Variants in SGPP2 observed in about 807,000 individuals in gnomAD.
SGPP2 encodes the protein sphingosine 1-phosphate phosphohydrolase 2.
In SGPP2, 30 loss-of-function variants were observed where a neutral mutation model predicts 33.9. The ratio of observed to expected loss-of-function variants is 0.89; its 90% confidence interval spans 0.66 to 1.20. The LOEUF (loss-of-function observed/expected upper bound fraction) is 1.20, where lower values mean the gene tolerates loss of function less well. Among genes scored for constraint, SGPP2 ranks in the 50% most tolerant of loss-of-function variants. The probability of loss-of-function intolerance (pLI) is 0.00; values close to 1 mark genes in which losing one functional copy is unlikely to be tolerated. For synonymous variants in SGPP2, 233 were observed against 225.0 expected, an observed-to-expected ratio of 1.04 and a Z score of -0.32; for missense variants, 458 against 532.1, an observed-to-expected ratio of 0.86 and a Z score of 1.37.
At position 222,561,202 on chromosome 2, in the gene SGPP2, C is replaced by G. The variant is rs193302526; in HGVS notation, c.*2304C>G. ...GAAGGCAAAGATCAAGATGACCTGC[C>G]GTTTGACTGCTTTTACATCAAACTC... On this transcript the variant is annotated 3_prime_UTR_variant, in exon 5 of 5. Transcript: ENST00000321276. Among the ~76,000 whole-genome samples, 1 of 152,214 alleles carries G rather than the reference C, an allele frequency of 6.6e-6. No homozygotes were observed. Among genetic ancestry groups the G allele is most frequent in the East Asian group, 1.9e-4 (1 of 5,188 alleles).
chr2:222,452,747 C>A, intron 1 of SGPP2: 5 of 1,444,026 alleles, frequency 3.5e-6, no homozygotes, highest in Non-Finnish European at 4.9e-6. Context: ...CAGTCGTGTT[C>A]ACCAGGCATT....
At chr2:222,491,603 G>C (rs762531987) in intron 2 of SGPP2, among the ~76,000 whole-genome samples, 25 of 152,090 alleles carry the variant, frequency 1.6e-4, no homozygotes, top group African/African-American at 3.9e-4. Context: ...CTCCCACCTG[G>C]TCCTTCCCTC....
intron 2 of SGPP2, among the ~76,000 whole-genome samples, chr2:222,500,840 T>C (rs917200867): frequency 6.6e-6 from 1 of 152,246 alleles, no homozygotes; most frequent in African/African-American, 2.4e-5. Context: ...AGTTTGCTCA[T>C]GGACTGCTTC....
chr2:222,449,421 G>A (rs1363414166), intron 1 of SGPP2, among the ~76,000 whole-genome samples: 1 of 151,792 alleles, frequency 6.6e-6, no homozygotes, highest in Admixed American at 6.6e-5. Context: ...GAAGAACTTG[G>A]AGAACACGTG....
chr2:222,531,438 T>C (rs887605952), intron 4 of SGPP2, among the ~76,000 whole-genome samples: 1 of 152,196 alleles, frequency 6.6e-6, no homozygotes, highest in Non-Finnish European at 1.5e-5. Context: ...GGAAATCTTA[T>C]ATGATTCCAC....
chr2:222,520,838 C>A (rs7579904), intron 2 of SGPP2, among the ~76,000 whole-genome samples: 1 of 151,814 alleles, frequency 6.6e-6, no homozygotes, highest in Non-Finnish European at 1.5e-5. Context: ...TTGCTCACTG[C>A]AGCCTTGACT....
At chr2:222,539,507 G>A (rs546551847) in intron 4 of SGPP2, among the ~76,000 whole-genome samples, 16 of 152,272 alleles carry the variant, frequency 1.1e-4, no homozygotes, top group African/African-American at 3.4e-4. Context: ...CCAGATCTCC[G>A]TCTTCCACCT....
chr2:222,490,330 C>T (rs1459203130), intron 2 of SGPP2, among the ~76,000 whole-genome samples: 1 of 152,244 alleles, frequency 6.6e-6, no homozygotes, highest in South Asian at 2.1e-4. Flanking sequence ...AACAGGCACT[C>T]AAATCAAAAC....
chr2:222,464,455 A>C (rs972491324), intron 1 of SGPP2, among the ~76,000 whole-genome samples: 2 of 152,182 alleles, frequency 1.3e-5, no homozygotes, highest in Non-Finnish European at 2.9e-5. Context: ...TCCTAAGCAA[A>C]TGCTGTGTCC....
intron 2 of SGPP2, among the ~76,000 whole-genome samples, chr2:222,488,160 C>T (rs1196055513): frequency 6.6e-6 from 1 of 152,170 alleles, no homozygotes; most frequent in Non-Finnish European, 1.5e-5. Context: ...TTGGTTTCTA[C>T]CAATTTTCCT....
chr2:222,536,957 G>GA (rs11395437), intron 4 of SGPP2, among the ~76,000 whole-genome samples: 138,705 of 152,206 alleles, frequency 0.91, 63,462 homozygotes, highest in East Asian at 1. Context: ...CAAATCATAA[G>GA]AAAAATGTCA....
chr2:222,544,581 C>T (rs1689143891), intron 4 of SGPP2, among the ~76,000 whole-genome samples: 1 of 152,022 alleles, frequency 6.6e-6, no homozygotes, highest in Non-Finnish European at 1.5e-5. Flanking sequence ...TATGTAAATT[C>T]TGTGTAAATA....
chr2:222,474,496 G>GT, intron 1 of SGPP2, 72 bp from the exon 2 acceptor site: 1 of 1,441,112 alleles, frequency 6.9e-7, no homozygotes, highest in Non-Finnish European at 9.6e-7. Flanking sequence ...AGACCTGTGA[G>GT]TTTTAGACAG....
chr2:222,537,441 A>T (rs1008737534), intron 4 of SGPP2, among the ~76,000 whole-genome samples: 19 of 152,232 alleles, frequency 1.2e-4, no homozygotes, highest in African/African-American at 4.6e-4. Flanking sequence ...AGAAATAAAA[A>T]TGTCCAATAA....
At chr2:222,444,163 AG>A (rs1312199879) in intron 1 of SGPP2, among the ~76,000 whole-genome samples, 1 of 152,238 alleles carries the variant, frequency 6.6e-6, no homozygotes, top group African/African-American at 2.4e-5. Context: ...ATGGGAGACA[AG>A]GGACCTTGGG....
At chr2:222,531,027 C>T (rs1330876738) in intron 4 of SGPP2, among the ~76,000 whole-genome samples, 2 of 152,070 alleles carry the variant, frequency 1.3e-5, no homozygotes, top group Non-Finnish European at 2.9e-5. Context: ...GAATGAGATC[C>T]AGCCTCCAAA....
chr2:222,478,409 C>G (rs531253217), intron 2 of SGPP2, among the ~76,000 whole-genome samples: 3 of 151,940 alleles, frequency 2.0e-5, no homozygotes, highest in African/African-American at 7.2e-5. Context: ...GGGCAAGTCC[C>G]GGAGGTTGGG....
At chr2:222,527,163 A>C (rs1698771612) in intron 4 of SGPP2, among the ~76,000 whole-genome samples, 1 of 152,184 alleles carries the variant, frequency 6.6e-6, no homozygotes, top group South Asian at 2.1e-4. Flanking sequence ...ATTTAGGGGA[A>C]GATAGATTAG....
At chr2:222,474,490 C>A in intron 1 of SGPP2, 78 bp from the exon 2 acceptor site, 1 of 1,346,982 alleles carries the variant, frequency 7.4e-7, no homozygotes, top group Non-Finnish European at 1.0e-6. Context: ...CAATTGAGAC[C>A]TGTGAGTTTT....
Sources: allele counts gnomAD v4.1 joint callset (sites outside exome capture counted in the v4.1 genomes callset), GRCh38; gene constraint gnomAD v4.1.1; transcripts MANE v1.5; gene names NCBI Gene and HGNC (gene_info 2026-07-23, HGNC 2026-07-21).